The following ACAD11 variants were observed in gnomAD, a reference collection of about 807,000 sequenced individuals.
ACAD11 encodes acyl-Coenzyme A dehydrogenase family, member 11.
A neutral mutation model predicts 102.2 loss-of-function variants in ACAD11; 83 were observed. The ratio of observed to expected loss-of-function variants is 0.81; its 90% CI spans 0.68 to 0.97. ACAD11 has a LOEUF of 0.97. Among genes scored for constraint, ACAD11 ranks in the 50% least tolerant of loss-of-function variants. The pLI is 0.00. For synonymous variants in ACAD11, 324 were observed against 319.8 expected (o/e 1.01, Z -0.14); for missense variants, 901 against 951.7 (o/e 0.95, Z 0.70).
rs1203607188 is a variant in ACAD11 at position 132,558,982 on chromosome 3, C to T, written c.2332G>A (p.Ala778Thr). Residue 778 changes from alanine (A) to threonine (T), a missense_variant, in exon 20 of 20, where the codon GCC becomes ACC. Transcript: ENST00000264990. ...ELRDQAKRLT[A>T]KI Reference sequence around the variant, plus strand: ...CAGTGCCACCCTCCTTATATCTTGGCTGTCAGTCTTTTGGCTTGGTCCCGC... The same window carrying T: ...CAGTGCCACCCTCCTTATATCTTGGTTGTCAGTCTTTTGGCTTGGTCCCGC... 5 of 1,612,710 alleles carry T rather than the reference C, an allele frequency of 3.1e-6. No homozygotes were observed. Among genetic ancestry groups the T allele is most frequent in the Non-Finnish European group, 4.2e-6 (5 of 1,179,044 alleles).
At chr3:132,585,220 C>A (rs975757234) in intron 13 of ACAD11, among the ~76,000 whole-genome samples, 1 of 152,118 alleles carries the variant, frequency 6.6e-6, no homozygotes, top group Non-Finnish European at 1.5e-5. Flanking sequence ...CTTTGACAAA[C>A]CTGACAAAAA....
At chr3:132,564,372 C>T (rs565969710) in intron 17 of ACAD11, among the ~76,000 whole-genome samples, 1 of 152,140 alleles carries the variant, frequency 6.6e-6, no homozygotes, top group Non-Finnish European at 1.5e-5. Flanking sequence ...GTAGAATTTA[C>T]CAGTAATACC....
intron 13 of ACAD11, among the ~76,000 whole-genome samples, chr3:132,597,871 G>A (rs544927424): frequency 1.1e-4 from 16 of 152,158 alleles, no homozygotes; most frequent in African/African-American, 3.6e-4. Flanking sequence ...AATAATTAAT[G>A]CATAAGAACA....
rs1939410399 is a variant in ACAD11, at chr3:132,616,380, T to A, written c.1414+2254A>T. On this transcript the variant is annotated intron_variant, in intron 11 of 19. Transcript: ENST00000264990. ...GGCAGAGCTGAATCTGCAAGAGAAG[T>A]CTTTGGTAGGATTATTTTTCATATT... Among the ~76,000 whole-genome samples the A allele has an allele frequency of 3.3e-5, 5 of 152,272 alleles. No individual in the cohort carries two copies. The South Asian group carries it at 1.0e-3, about 32-fold the overall frequency.
chr3:132,598,773 T>C (rs1938427134), intron 13 of ACAD11, among the ~76,000 whole-genome samples: 1 of 152,152 alleles, frequency 6.6e-6, no homozygotes, highest in Admixed American at 6.5e-5. Flanking sequence ...CTGTCTCTAG[T>C]GTGGACACAG....
At chr3:132,607,687 T>C (rs943822005) in intron 11 of ACAD11, among the ~76,000 whole-genome samples, 3 of 152,136 alleles carry the variant, frequency 2.0e-5, no homozygotes, top group African/African-American at 7.2e-5. Context: ...TGGAACCAAG[T>C]TGGAAAACAC....
intron 13 of ACAD11, among the ~76,000 whole-genome samples, chr3:132,585,639 TACA>T (rs1387830944): frequency 6.6e-6 from 1 of 151,822 alleles, no homozygotes; most frequent in Non-Finnish European, 1.5e-5. Context: ...CAAACAAATT[TACA>T]AGAAAAAAAC....
chr3:132,652,081 C>A (rs145343182), intron 1 of ACAD11, among the ~76,000 whole-genome samples: 1 of 152,090 alleles, frequency 6.6e-6, no homozygotes, highest in East Asian at 1.9e-4. Flanking sequence ...GTGTCCCCAC[C>A]CAAATCTTAT....
At chr3:132,613,240 G>C (rs538504373) in intron 11 of ACAD11, among the ~76,000 whole-genome samples, 27 of 151,790 alleles carry the variant, frequency 1.8e-4, no homozygotes, top group Middle Eastern at 3.4e-3. Flanking sequence ...GTGGGGGAAG[G>C]GGGGAGGGAT....
intron 5 of ACAD11, among the ~76,000 whole-genome samples, chr3:132,637,500 T>C (rs559731096): frequency 6.6e-6 from 1 of 152,092 alleles, no homozygotes; most frequent in Non-Finnish European, 1.5e-5. Context: ...AGGTCAAAAA[T>C]AAGGGGTTTC....
chr3:132,608,529 T>TA (rs926823158), intron 11 of ACAD11, among the ~76,000 whole-genome samples: 30 of 151,256 alleles, frequency 2.0e-4, no homozygotes, highest in Admixed American at 3.3e-4. Flanking sequence ...CCAACAAAGA[T>TA]AAAAAAAAGA....
intron 11 of ACAD11, among the ~76,000 whole-genome samples, chr3:132,612,295 C>T (rs1263477065): frequency 2.6e-5 from 4 of 151,940 alleles, no homozygotes; most frequent in Non-Finnish European, 4.4e-5. Context: ...TAGGCAATAC[C>T]ATTCAGGACA....
chr3:132,610,204 G>C (rs1939068397), intron 11 of ACAD11, among the ~76,000 whole-genome samples: 1 of 151,930 alleles, frequency 6.6e-6, no homozygotes, highest in Admixed American at 6.6e-5. Flanking sequence ...CACTCCCTTT[G>C]AAACTGGGAC....
intron 10 of ACAD11, 76 bp from the exon 11 acceptor site, chr3:132,618,848 T>C (rs1276584177): frequency 7.5e-7 from 1 of 1,334,724 alleles, no homozygotes; most frequent in African/African-American, 1.5e-5. Flanking sequence ...TTTTTAAATA[T>C]TGGTATTTAT....
At chr3:132,587,443 A>T (rs1001695960) in intron 13 of ACAD11, among the ~76,000 whole-genome samples, 1 of 152,024 alleles carries the variant, frequency 6.6e-6, no homozygotes, top group African/African-American at 2.4e-5. Context: ...TTTACCTTTA[A>T]GTTCTGATAT....
chr3:132,579,771 C>G (rs1008460654), intron 13 of ACAD11, among the ~76,000 whole-genome samples: 1 of 152,090 alleles, frequency 6.6e-6, no homozygotes, highest in African/African-American at 2.4e-5. Context: ...TCAATGAAAG[C>G]TGCTACACAA....
At chr3:132,611,482 C>T (rs1939144789) in intron 11 of ACAD11, among the ~76,000 whole-genome samples, 1 of 152,154 alleles carries the variant, frequency 6.6e-6, no homozygotes, top group Non-Finnish European at 1.5e-5. Flanking sequence ...ACCCCATCGT[C>T]TCAGCCCAAA....
At chr3:132,560,016 C>T in intron 18 of ACAD11, 74 bp from the exon 19 acceptor site, 1 of 1,223,822 alleles carries the variant, frequency 8.2e-7, no homozygotes, top group Non-Finnish European at 1.2e-6. Context: ...GGAAATGAAA[C>T]AAGGAAACTT....
At chr3:132,630,323 A>C (rs932170644) in intron 7 of ACAD11, 114 bp downstream of exon 7, 1 of 1,170,182 alleles carries the variant, frequency 8.5e-7, no homozygotes, top group East Asian at 2.7e-5. Flanking sequence ...ACCTGTCATT[A>C]TGATAAGCCA....
Sources: gnomAD v4.1 joint callset for allele counts (sites outside exome capture counted in the v4.1 genomes callset) on GRCh38, gnomAD v4.1.1 for gene constraint, MANE v1.5 for transcripts, NCBI Gene and HGNC (gene_info 2026-07-23, HGNC 2026-07-21) for gene names.